The following ERP44 variants were observed in gnomAD, a reference collection of about 807,000 sequenced individuals.
ERP44 encodes endoplasmic reticulum protein 44, also known as endoplasmic reticulum resident protein 44.
Under a neutral mutation model 53.4 loss-of-function variants are expected in ERP44, and 25 were observed. The ratio of observed to expected loss-of-function variants is 0.47; its 90% CI spans 0.34 to 0.65. The LOEUF (loss-of-function observed/expected upper bound fraction) is 0.65, where lower values mean the gene tolerates loss of function less well. Ranked by LOEUF, ERP44 falls within the 30% of genes least tolerant of loss-of-function variation. The pLI, the probability that ERP44 is intolerant of heterozygous loss-of-function variation, is 0.01. For synonymous variants in ERP44, 145 were observed against 161.2 expected (o/e 0.90, Z 0.76); for missense variants, 338 against 493.2 (o/e 0.69, Z 2.98).
chr9:100,064,189 T>C (rs1026686992), intron 1 of ERP44, among the ~76,000 whole-genome samples: 7 of 152,226 alleles, frequency 4.6e-5, no homozygotes, highest in African/African-American at 1.7e-4. Flanking sequence ...TCTTACTTCC[T>C]CCAACAGACG....
At chr9:100,054,050 G>T (rs1826064661) in intron 3 of ERP44, among the ~76,000 whole-genome samples, 1 of 152,026 alleles carries the variant, frequency 6.6e-6, no homozygotes, top group African/African-American at 2.4e-5. Flanking sequence ...ACTTCCTAAG[G>T]AGATGTCCTA....
chr9:100,038,526 A>G (rs1403437852), intron 4 of ERP44, among the ~76,000 whole-genome samples: 1 of 152,180 alleles, frequency 6.6e-6, no homozygotes, highest in Non-Finnish European at 1.5e-5. Flanking sequence ...AAATGAAATC[A>G]TATCACCAGA....
intron 4 of ERP44, among the ~76,000 whole-genome samples, chr9:100,049,457 T>C (rs1826013377): frequency 6.6e-6 from 1 of 152,130 alleles, no homozygotes; most frequent in African/African-American, 2.4e-5. Context: ...AAATGTGTAA[T>C]ATTTGAACAG....
intron 10 of ERP44, among the ~76,000 whole-genome samples, chr9:100,003,876 C>T (rs777656709): frequency 6.6e-6 from 1 of 152,034 alleles, no homozygotes; most frequent in African/African-American, 2.4e-5. Context: ...CTGGAGCTTC[C>T]GTCCATGGAG....
At chr9:100,002,078 CTATGTCCT>C (rs1830383602) in intron 10 of ERP44, among the ~76,000 whole-genome samples, 1 of 150,640 alleles carries the variant, frequency 6.6e-6, no homozygotes, top group Non-Finnish European at 1.5e-5. Context: ...CATTTCTTCA[CTATGTCCT>C]ATGCTCATAA....
intron 1 of ERP44, among the ~76,000 whole-genome samples, chr9:100,065,327 G>A (rs1182691932): frequency 6.6e-6 from 1 of 152,090 alleles, no homozygotes; most frequent in African/African-American, 2.4e-5. Context: ...ATGTGTAGTA[G>A]GCTATACCAT....
intron 1 of ERP44, among the ~76,000 whole-genome samples, chr9:100,077,369 A>C (rs926734959): frequency 1.3e-5 from 2 of 152,226 alleles, no homozygotes; most frequent in African/African-American, 4.8e-5. Flanking sequence ...GAACGATGGA[A>C]TCGCCTTTTG....
intron 4 of ERP44, among the ~76,000 whole-genome samples, chr9:100,041,119 T>A (rs1360498992): frequency 6.6e-6 from 1 of 152,042 alleles, no homozygotes; most frequent in Non-Finnish European, 1.5e-5. Context: ...AAAATACCAA[T>A]GACATTCTTC....
In ERP44 at chr9:100,016,413, A is replaced by G; in HGVS notation, c.671T>C (p.Leu224Ser). Residue 224 changes from leucine to serine, a missense_variant, in exon 8 of 12, where the codon TTG (leucine) becomes TCG (serine). Physicochemically the swap from Leu to Ser is moderately radical, Grantham distance 145. Transcript: ENST00000262455. ...PGHSAPDMVY[L>S]GAMTNFDVTY... ...CACATCAAAATTTGTCATAGCTCCC[A>G]AGTACACCATATCCGGAGCAGAATG... The G allele has an allele frequency of 6.2e-7, 1 of 1,612,388 alleles. No homozygotes were observed. The highest frequency in any genetic ancestry group is 8.5e-7 in the Non-Finnish European group (1 of 1,179,490).
chr9:100,019,552 A>G (rs1830563511), intron 6 of ERP44, among the ~76,000 whole-genome samples: 1 of 152,172 alleles, frequency 6.6e-6, no homozygotes, highest in South Asian at 2.1e-4. Context: ...TCATGAGCCA[A>G]TGAAAAGAGA....
At chr9:100,031,963 G>A (rs1312838297) in intron 4 of ERP44, among the ~76,000 whole-genome samples, 1 of 152,170 alleles carries the variant, frequency 6.6e-6, no homozygotes, top group Non-Finnish European at 1.5e-5. Flanking sequence ...CTTAAGAAAT[G>A]TATTTTTGGG....
At chr9:100,040,409 T>TA (rs1209082645) in intron 4 of ERP44, among the ~76,000 whole-genome samples, 1 of 152,106 alleles carries the variant, frequency 6.6e-6, no homozygotes, top group Non-Finnish European at 1.5e-5. Context: ...AAATGAAGGA[T>TA]AAAAAACATA....
chr9:100,000,253 A>G (rs904709516), intron 10 of ERP44, among the ~76,000 whole-genome samples: 11 of 151,986 alleles, frequency 7.2e-5, no homozygotes, highest in African/African-American at 1.9e-4. Context: ...CCTGGAAAAC[A>G]GCAAGAATCC....
rs574193915 is a variant in ERP44 at position 100,069,274 on chromosome 9, C to A, written c.58-9102G>T. ...CAAATCCCCCTCTGCGAGAAACACC[C>A]AAGAATGATCAATAAAAAAAAAAAA... On this transcript the variant is annotated intron_variant, in intron 1 of 11. Transcript: ENST00000262455. Among the ~76,000 whole-genome samples, 4 of 148,046 alleles carry A rather than the reference C, an allele frequency of 2.7e-5. No individual in the cohort carries two copies. The South Asian group carries it at 8.6e-4, about 32-fold the overall frequency.
At chr9:100,047,859 C>G (rs1388086980) in intron 4 of ERP44, among the ~76,000 whole-genome samples, 1 of 151,994 alleles carries the variant, frequency 6.6e-6, no homozygotes, top group Non-Finnish European at 1.5e-5. Context: ...CTAGAATATA[C>G]AAAGAACTCC....
At chr9:100,063,885 A>G (rs1013319176) in intron 1 of ERP44, among the ~76,000 whole-genome samples, 5 of 152,218 alleles carry the variant, frequency 3.3e-5, no homozygotes. Context: ...TACTGTACCA[A>G]CTATTACAAC....
At chr9:100,043,492 C>T (rs907528016) in intron 4 of ERP44, among the ~76,000 whole-genome samples, 1 of 151,842 alleles carries the variant, frequency 6.6e-6, no homozygotes, top group Non-Finnish European at 1.5e-5. Flanking sequence ...CAGTGGCTCA[C>T]GCCTGTAGTC....
intron 1 of ERP44, among the ~76,000 whole-genome samples, chr9:100,068,682 C>T (rs1432833587): frequency 4.2e-5 from 6 of 143,954 alleles, no homozygotes; most frequent in South Asian, 2.3e-4. Context: ...GTCAACCCCC[C>T]ACCCGGCCAG....
Position 100,022,022 on chromosome 9 carries a change from T to C in ERP44, c.471+20A>G. The stretch of plus-strand genomic sequence containing the variant: ...TTAATCAGGGAATGTTTGTTTAATC[T>C]AGCAAAAGTTACAACTTACATCAAG... On this transcript the variant is annotated intron_variant, in intron 5 of 11. Transcript: ENST00000262455. 6.3e-7 allele frequency: 1 copy of C among 1,598,250 alleles called. No homozygotes were observed. The highest frequency in any genetic ancestry group is 2.2e-5 in the East Asian group (1 of 44,758).
Sources: allele counts gnomAD v4.1 joint callset (sites outside exome capture counted in the v4.1 genomes callset), GRCh38; gene constraint gnomAD v4.1.1; transcripts MANE v1.5; gene names NCBI Gene and HGNC (gene_info 2026-07-23, HGNC 2026-07-21).